The following NEDD9 variants were observed in gnomAD, a reference collection of about 807,000 sequenced individuals.
NEDD9 encodes neural precursor cell expressed, developmentally down-regulated 9.
A neutral mutation model predicts 76.6 loss-of-function variants in NEDD9; 26 were observed. The observed-to-expected ratio is 0.34, with a 90% CI of 0.25 to 0.47. The LOEUF (loss-of-function observed/expected upper bound fraction) is 0.47. Ranked by LOEUF, NEDD9 falls within the 20% of genes least tolerant of loss-of-function variation. The pLI, the probability that NEDD9 is intolerant of heterozygous loss-of-function variation, is 1.00. For synonymous variants in NEDD9, 392 were observed against 414.2 expected, an observed-to-expected ratio of 0.95 and a Z score of 0.65; for missense variants, 937 against 1,058.5, an observed-to-expected ratio of 0.89 and a Z score of 1.59.
intron 5 of NEDD9, among the ~76,000 whole-genome samples, chr6:11,189,417 T>G (rs189570873): frequency 1.8e-4 from 27 of 152,272 alleles, no homozygotes; most frequent in Non-Finnish European, 5.9e-5. Flanking sequence ...TCTAGGTAAG[T>G]CTGAGATGGG....
At chr6:11,206,542 T>C (rs1038048794) in intron 2 of NEDD9, among the ~76,000 whole-genome samples, 1 of 152,228 alleles carries the variant, frequency 6.6e-6, no homozygotes, top group Non-Finnish European at 1.5e-5. Context: ...ATTAAAGCAG[T>C]CTCTTACCTC....
chr6:11,366,069 A>C (rs908860052), intron 1 of NEDD9, among the ~76,000 whole-genome samples: 4 of 152,182 alleles, frequency 2.6e-5, no homozygotes, highest in Admixed American at 1.3e-4. Flanking sequence ...GCAGATCATG[A>C]GGTCAGGAGT....
In NEDD9 at chr6:11,350,559, G is replaced by A. The variant is rs568546949; in HGVS notation, c.-213-15998C>T. The stretch of plus-strand genomic sequence containing the variant: ...ATCATCTGCTTTGGCAACTTCCTCC[G>A]TGACTAACTGTGGGAGCAGAAATAC... On this transcript the variant is annotated intron_variant, in intron 1 of 3. Coordinates refer to the NEDD9 transcript ENST00000397378. 1.8e-4 allele frequency among the ~76,000 whole-genome samples: 27 copies of A among 152,284 alleles called. No homozygotes were observed. In the South Asian group the frequency reaches 3.9e-3, roughly 22 times the overall value.
At chr6:11,369,253 C>G (rs1279178193) in intron 1 of NEDD9, among the ~76,000 whole-genome samples, 1 of 152,176 alleles carries the variant, frequency 6.6e-6, no homozygotes, top group Non-Finnish European at 1.5e-5. Flanking sequence ...TATGCCATGA[C>G]TTTCTTACAT....
chr6:11,227,779 T>C (rs960601634), intron 1 of NEDD9, among the ~76,000 whole-genome samples: 7 of 146,994 alleles, frequency 4.8e-5, no homozygotes, highest in African/African-American at 1.8e-4. Flanking sequence ...GGTCAATAAG[T>C]AAGGTAGTGC....
chr6:11,297,917 T>TA (rs560375919), intron 3 of NEDD9, among the ~76,000 whole-genome samples: 1 of 151,226 alleles, frequency 6.6e-6, no homozygotes, highest in East Asian at 1.9e-4. Context: ...TTTTCTTTTT[T>TA]TTTTTTTGGA....
chr6:11,213,852 A>T lies in NEDD9; in HGVS notation c.13-125T>A. 1.2e-6 allele frequency: 1 copy of T among 845,074 alleles called. No individual in the cohort carries two copies. The highest frequency in any genetic ancestry group is 1.7e-5 in the South Asian group (1 of 57,666). The allele number at this position is 845,074 out of a possible 1,614,324, so 52.3% of individuals were successfully genotyped here. A position where few individuals can be genotyped will look rare whatever the true frequency, so the allele number is the denominator to read the frequency against. On this transcript the variant is annotated intron_variant, in intron 1 of 6. Coordinates refer to ENST00000379446, the MANE Select transcript of NEDD9 (RefSeq NM_006403.4). The surrounding 1 kb of genome is among the most constrained non-coding windows in gnomAD (Gnocchi z 5.4). ...AGAGAGAAGCATAAATCTGAACAAT[A>T]GACTGTAAGGAGAAAAACAGATGGT...
chr6:11,250,872 G>A (rs186267966), intron 3 of NEDD9, among the ~76,000 whole-genome samples: 3 of 152,194 alleles, frequency 2.0e-5, no homozygotes, highest in African/African-American at 4.8e-5. Flanking sequence ...TACTGACTTC[G>A]GGATAAAACT....
At chr6:11,331,236 C>T (rs768303657) in intron 2 of NEDD9, among the ~76,000 whole-genome samples, 4 of 151,968 alleles carry the variant, frequency 2.6e-5, no homozygotes, top group Non-Finnish European at 5.9e-5. Flanking sequence ...AGGGGAACTG[C>T]GGTATAAGAA....
At position 11,184,619 on chromosome 6, in the gene NEDD9, T is replaced by C. The variant is rs906244698; in HGVS notation, c.*543A>G. On this transcript the variant is annotated 3_prime_UTR_variant, in exon 7 of 7. Transcript: ENST00000379446. ...CATCATGTGTTTAAGATGGTCAGTTTTGAAAAGAGTTTTCCAAACAAGAAT... is the reference window on the plus strand; with the variant it reads ...CATCATGTGTTTAAGATGGTCAGTTCTGAAAAGAGTTTTCCAAACAAGAAT... The C allele has an allele frequency of 1.3e-5, 2 of 153,592 alleles. No homozygotes were observed. Among genetic ancestry groups the C allele is most frequent in the Non-Finnish European group, 2.9e-5 (2 of 68,766 alleles). 9.5% of individuals were successfully genotyped at this position (153,592 alleles called of 1,614,324 possible). A position where few individuals can be genotyped will look rare whatever the true frequency, so the allele number is the denominator to read the frequency against.
At chr6:11,239,821 G>A (rs966920614) in intron 3 of NEDD9, among the ~76,000 whole-genome samples, 1 of 151,986 alleles carries the variant, frequency 6.6e-6, no homozygotes, top group Non-Finnish European at 1.5e-5. Flanking sequence ...TGAGGCAGGT[G>A]GATCATGAGG....
chr6:11,257,775 C>CTGTGTGTGTGTGTGTGTGTGTGTGTGTG (rs3067253), intron 3 of NEDD9, among the ~76,000 whole-genome samples: 5 of 142,966 alleles, frequency 3.5e-5, no homozygotes, highest in African/African-American at 1.3e-4. Context: ...AATGTAGATT[C>CTGTGTGTGTGTGTGTGTGTGTGTGTGTG]TGTGTGTGTG....
At position 11,278,942 on chromosome 6, in the gene NEDD9, GA is replaced by G. The variant is rs748808417; in HGVS notation, c.12+27049del. Among the ~76,000 whole-genome samples the G allele has an allele frequency of 5.9e-4, 89 of 151,946 alleles. 1 individual carries two copies. The highest frequency in any genetic ancestry group is 2.6e-4 in the Admixed American group (4 of 15,266). On this transcript the variant is annotated intron_variant, in intron 3 of 3. Coordinates refer to the NEDD9 transcript ENST00000397378. ...AAGAGTTAAAAAAAAAAAGCAGGGG[GA>G]AAAAGGTTCTGATCTGGGTTCATTT...
At chr6:11,303,306 C>A (rs1169956621) in intron 3 of NEDD9, among the ~76,000 whole-genome samples, 1 of 152,156 alleles carries the variant, frequency 6.6e-6, no homozygotes, top group Non-Finnish European at 1.5e-5. Context: ...ATCCAACTTA[C>A]AAGGGACGTG....
chr6:11,210,362 A>G (rs1410016068), intron 2 of NEDD9, among the ~76,000 whole-genome samples: 2 of 152,106 alleles, frequency 1.3e-5, no homozygotes, highest in African/African-American at 4.8e-5. Context: ...CTGCCTCCTT[A>G]TTTTCTTATT....
intron 3 of NEDD9, among the ~76,000 whole-genome samples, chr6:11,289,553 C>T (rs182294813): frequency 7.9e-5 from 12 of 152,220 alleles, no homozygotes; most frequent in East Asian, 1.9e-4. Flanking sequence ...CCCGGGTTCA[C>T]GCCATTCTCC....
intron 3 of NEDD9, among the ~76,000 whole-genome samples, chr6:11,267,974 C>G (rs1257722129): frequency 6.6e-6 from 1 of 152,188 alleles, no homozygotes; most frequent in East Asian, 1.9e-4. Context: ...TGGGCCTCAG[C>G]TTTGCTGGCT....
chr6:11,296,489 A>C (rs928678469), intron 3 of NEDD9, among the ~76,000 whole-genome samples: 2 of 152,210 alleles, frequency 1.3e-5, no homozygotes, highest in Non-Finnish European at 2.9e-5. Flanking sequence ...ACCTCTCTTC[A>C]TCACATCTCT....
chr6:11,290,759 G>A (rs1038948989), intron 3 of NEDD9, among the ~76,000 whole-genome samples: 1 of 152,182 alleles, frequency 6.6e-6, no homozygotes, highest in Admixed American at 6.5e-5. Context: ...TGGGTAACAT[G>A]TCTTCCGAGT....
Sources: allele counts gnomAD v4.1 joint callset (sites outside exome capture counted in the v4.1 genomes callset), GRCh38; gene constraint gnomAD v4.1.1; non-coding constraint Gnocchi (gnomAD v3.1); transcripts MANE v1.5; gene names NCBI Gene and HGNC (gene_info 2026-07-23, HGNC 2026-07-21).